Variants in STK17B observed in about 807,000 individuals in gnomAD.
STK17B encodes the protein serine/threonine-protein kinase 17B.
A neutral mutation model predicts 42.0 loss-of-function variants in STK17B; 21 were observed. The observed-to-expected ratio is 0.50, with a 90% confidence interval of 0.35 to 0.72. The LOEUF is 0.72. STK17B is among the 30% of genes least tolerant of loss of function. The pLI is 0.00. For missense variants in STK17B, 349 were observed against 446.0 expected (o/e 0.78, Z 1.96); for synonymous variants, 143 against 148.4 (o/e 0.96, Z 0.26).
In STK17B at chr2:196,135,518, C is replaced by T. The variant is rs901656943; in HGVS notation, c.*1929G>A. 5 of 152,222 alleles carry T rather than the reference C, an allele frequency of 3.3e-5. No individual in the cohort carries two copies. The highest frequency in any genetic ancestry group is 7.3e-5 in the Non-Finnish European group (5 of 68,076). The allele number at this position is 152,222 out of a possible 1,614,324, so 9.4% of individuals were successfully genotyped here. ...TGGGCGGGGGCGCAGTGGCTCACGC[C>T]TGTAATCCCAGCACTTTGGGAGGCC... On this transcript the variant is annotated 3_prime_UTR_variant, in exon 8 of 8. Coordinates refer to ENST00000263955, the MANE Select transcript of STK17B (RefSeq NM_004226.4).
chr2:196,136,577 A>C lies in STK17B; in HGVS notation c.*870T>G, dbSNP rs1699408981. 6.6e-6 allele frequency: 1 copy of C among 152,242 alleles called. No individual in the cohort carries two copies. Among genetic ancestry groups the C allele is most frequent in the African/African-American group, 2.4e-5 (1 of 41,462 alleles). 9.4% of individuals were successfully genotyped at this position (152,242 alleles called of 1,614,324 possible). ...CATCTAAAATTCAGTAAGCTGTCTG[A>C]GTGTGTCAACATTTTCTTCTATATT... On this transcript the variant is annotated 3_prime_UTR_variant, in exon 8 of 8. Transcript: ENST00000263955.
intron 3 of STK17B, among the ~76,000 whole-genome samples, chr2:196,152,107 C>CT (rs56369141): frequency 2.3e-5 from 3 of 130,782 alleles, no homozygotes; most frequent in Non-Finnish European, 3.3e-5. Flanking sequence ...AAAAAAGTGC[C>CT]TTTTTTTTTT....
At position 196,135,234 on chromosome 2, in the gene STK17B, A is replaced by G. The variant is rs1699380670; in HGVS notation, c.*2213T>C. On this transcript the variant is annotated 3_prime_UTR_variant, in exon 8 of 8. Coordinates refer to ENST00000263955, the MANE Select transcript of STK17B (RefSeq NM_004226.4). ...ATTAAAAATATAATATGGTCTTCAGAAACATAATCATTTCATTATCCAATG... is the reference window on the plus strand; with the variant it reads ...ATTAAAAATATAATATGGTCTTCAGGAACATAATCATTTCATTATCCAATG... 6.6e-6 allele frequency: 1 copy of G among 152,216 alleles called. No homozygotes were observed. Among genetic ancestry groups the G allele is most frequent in the African/African-American group, 2.4e-5 (1 of 41,468 alleles). 9.4% of individuals were successfully genotyped at this position (152,216 alleles called of 1,614,324 possible).
chr2:196,140,200 G>A (rs565511360), intron 6 of STK17B, among the ~76,000 whole-genome samples: 2 of 152,346 alleles, frequency 1.3e-5, no homozygotes, highest in East Asian at 3.9e-4. Flanking sequence ...ACAAAGCTGG[G>A]CAGGCAAATT....
intron 3 of STK17B, among the ~76,000 whole-genome samples, chr2:196,152,095 T>G: frequency 7.4e-6 from 1 of 135,486 alleles, no homozygotes; most frequent in Non-Finnish European, 1.5e-5. Context: ...AATGTACAAA[T>G]CAAAAAAGTG....
At position 196,163,321 on chromosome 2, in the gene STK17B, A is replaced by T. The variant is rs1325331562; in HGVS notation, c.63T>A (p.Ile21=). Residue 21 remains isoleucine (I), a synonymous_variant, in exon 2 of 8, where the codon ATT becomes ATA. Transcript: ENST00000263955. ...ISGLLTTTPQ[I]PIKMENFNNF... is the part of the protein sequence containing the mutation. ...TATTAAAGTTTTCCATTTTTATTGG[A>T]ATTTGAGGAGTTGTAGTTAGTAGGC... 1 of 1,606,512 alleles carries T rather than the reference A, an allele frequency of 6.2e-7. No homozygotes were observed. Among genetic ancestry groups the T allele is most frequent in the Admixed American group, 1.7e-5 (1 of 59,030 alleles).
At chr2:196,146,676 T>C (rs1699581226) in intron 3 of STK17B, among the ~76,000 whole-genome samples, 1 of 152,162 alleles carries the variant, frequency 6.6e-6, no homozygotes, top group Non-Finnish European at 1.5e-5. Context: ...CTCATATATG[T>C]ACATCTATAT....
intron 3 of STK17B, among the ~76,000 whole-genome samples, chr2:196,155,523 G>T (rs1699726456): frequency 6.6e-6 from 1 of 152,152 alleles, no homozygotes; most frequent in Non-Finnish European, 1.5e-5. Context: ...AGGCAATGAT[G>T]CAAGTTAGTT....
chr2:196,144,486 C>CAAAAA (rs869118381), intron 4 of STK17B, among the ~76,000 whole-genome samples: 2 of 55,932 alleles, frequency 3.6e-5, no homozygotes, highest in African/African-American at 1.3e-4. Flanking sequence ...GACTCTGTCT[C>CAAAAA]AAAAAAAAAA....
chr2:196,159,311 GTT>G (rs71009085), intron 2 of STK17B, among the ~76,000 whole-genome samples: 94 of 130,662 alleles, frequency 7.2e-4, no homozygotes, highest in Middle Eastern at 3.7e-3. Flanking sequence ...CCAAGAGGTT[GTT>G]TTTTTTTTTT....
intron 3 of STK17B, chr2:196,151,600 A>G (rs1699667087): frequency 6.6e-6 from 1 of 152,210 alleles, no homozygotes; most frequent in African/African-American, 2.4e-5. Context: ...AGTATGTCCA[A>G]TTAGATAATA....
chr2:196,157,385 C>A (rs1164266438), intron 2 of STK17B, among the ~76,000 whole-genome samples: 6 of 152,128 alleles, frequency 3.9e-5, no homozygotes, highest in African/African-American at 1.4e-4. Context: ...ATCATGTTAA[C>A]TCTCTAATTA....
At chr2:196,137,812 T>C in intron 7 of STK17B, 83 bp from the exon 8 acceptor site, 1 of 1,441,882 alleles carries the variant, frequency 6.9e-7, no homozygotes, top group Admixed American at 2.4e-5. Flanking sequence ...ATAGACATAT[T>C]TTTTACTTCT....
chr2:196,148,227 C>A (rs570280274), intron 3 of STK17B, among the ~76,000 whole-genome samples: 10 of 152,170 alleles, frequency 6.6e-5, no homozygotes, highest in African/African-American at 2.4e-4. Flanking sequence ...CACTGCCTAG[C>A]GGCCCTTGGT....
At chr2:196,164,394 A>T (rs1161900941) in intron 1 of STK17B, among the ~76,000 whole-genome samples, 2 of 152,228 alleles carry the variant, frequency 1.3e-5, no homozygotes, top group African/African-American at 4.8e-5. Context: ...GAAGTTCTGT[A>T]TCTGAAGCTC....
intron 2 of STK17B, among the ~76,000 whole-genome samples, chr2:196,157,277 GCTCTCCT>G (rs1228753574): frequency 6.6e-6 from 1 of 152,010 alleles, no homozygotes; most frequent in African/African-American, 2.4e-5. Context: ...TATAATAAAT[GCTCTCCT>G]GTTCTTCACA....
chr2:196,151,017 G>C (rs1186742677), intron 3 of STK17B, among the ~76,000 whole-genome samples: 1 of 152,188 alleles, frequency 6.6e-6, no homozygotes, highest in Non-Finnish European at 1.5e-5. Flanking sequence ...TCTGGTGATT[G>C]AGATCATTCC....
chr2:196,143,877 A>G (rs1699528482), intron 4 of STK17B, among the ~76,000 whole-genome samples, 191 bp from the exon 5 acceptor site: 1 of 152,232 alleles, frequency 6.6e-6, no homozygotes, highest in Non-Finnish European at 1.5e-5. Context: ...AAACACACCC[A>G]AAAAGGATTC....
rs6760432 is a variant in STK17B, at chr2:196,134,513, T to C, written c.*2934A>G. On this transcript the variant is annotated 3_prime_UTR_variant, in exon 8 of 8. Transcript: ENST00000263955. ...AACCATCCCCCTAAACCCCCAGTCC[T>C]GTGGAAAAATTTTCTTCCACAAAAC... 97,733 of 152,050 alleles carry C rather than the reference T, an allele frequency of 0.64. 31,720 individuals are homozygous for C. The highest frequency in any genetic ancestry group is 0.9 in the East Asian group (4,677 of 5,172). 9.4% of individuals were successfully genotyped at this position (152,050 alleles called of 1,614,324 possible). A position where few individuals can be genotyped will look rare whatever the true frequency, so the allele number is the denominator to read the frequency against.
Sources: allele counts gnomAD v4.1 joint callset (sites outside exome capture counted in the v4.1 genomes callset), GRCh38; gene constraint gnomAD v4.1.1; transcripts MANE v1.5; gene names NCBI Gene and HGNC (gene_info 2026-07-23, HGNC 2026-07-21).